The following ZEB2 variants were observed in gnomAD, a reference collection of about 807,000 sequenced individuals.
ZEB2 encodes the protein zinc finger E-box binding homeobox 2, also known as zinc finger E-box-binding homeobox 2.
Under a neutral mutation model 99.9 loss-of-function variants are expected in ZEB2, and 6 were observed. The observed-to-expected ratio is 0.06, with a 90% CI of 0.03 to 0.12. The LOEUF is 0.12. ZEB2 is among the 10% of genes least tolerant of loss of function. The pLI is 1.00. For synonymous variants in ZEB2, 517 were observed against 542.5 expected (o/e 0.95, Z 0.65); for missense variants, 969 against 1,502.8 (o/e 0.64, Z 5.87).
At chr2:144,410,531 C>G (rs1480068947) in intron 4 of ZEB2, among the ~76,000 whole-genome samples, 1 of 152,110 alleles carries the variant, frequency 6.6e-6, no homozygotes, top group South Asian at 2.1e-4. Flanking sequence ...AATTAGTCAG[C>G]CCCCATAATC....
intron 2 of ZEB2, among the ~76,000 whole-genome samples, chr2:144,510,722 C>CTT: frequency 6.6e-6 from 1 of 151,900 alleles, no homozygotes; most frequent in South Asian, 2.1e-4. Flanking sequence ...CTCTCTTTCT[C>CTT]TCTCTCTTTC....
At position 144,398,646 on chromosome 2, in the gene ZEB2, G is replaced by T. The variant is rs759097498; in HGVS notation, c.2541C>A (p.Asn847Lys). 6.2e-7 allele frequency: 1 copy of T among 1,614,080 alleles called. No individual in the cohort carries two copies. The highest frequency in any genetic ancestry group is 1.3e-5 in the African/African-American group (1 of 75,000). Reference protein sequence around the residue: ...TKASSISLDHNSVSSSSENSD... With the variant: ...TKASSISLDHKSVSSSSENSD... Reference sequence around the variant, plus strand: ...AGTTTTCAGATGAGGAAGAAACACTGTTATGATCTAAACTGATGCTACTAG... The same window carrying T: ...AGTTTTCAGATGAGGAAGAAACACTTTTATGATCTAAACTGATGCTACTAG... The change falls in exon 8 of 10, where the codon AAC becomes AAA. Residue 847 changes from asparagine to lysine, a missense_variant. Physicochemically the swap from Asn to Lys is moderately conservative, Grantham distance 94. Coordinates refer to ENST00000627532, the MANE Select transcript of ZEB2 (RefSeq NM_014795.4).
At chr2:144,402,293 A>G (rs931585802) in intron 6 of ZEB2, among the ~76,000 whole-genome samples, 1 of 152,172 alleles carries the variant, frequency 6.6e-6, no homozygotes. Context: ...TTTTGCAAAA[A>G]GACAGCACAG....
At chr2:144,473,694 G>C (rs1704390513) in intron 2 of ZEB2, among the ~76,000 whole-genome samples, 1 of 152,160 alleles carries the variant, frequency 6.6e-6, no homozygotes, top group African/African-American at 2.4e-5. Context: ...AGAAGCAGAG[G>C]TGTAGGGTTG....
At position 144,451,100 on chromosome 2, in the gene ZEB2, C is replaced by T. The variant is rs184632181; in HGVS notation, c.74-21074G>A. 2.1e-3 allele frequency among the ~76,000 whole-genome samples: 326 copies of T among 152,164 alleles called. 5 individuals carry two copies. Among genetic ancestry groups the T allele is most frequent in the South Asian group, 0.012 (57 of 4,816 alleles). On this transcript the variant is annotated intron_variant, in intron 2 of 9. Coordinates refer to ENST00000627532, the MANE Select transcript of ZEB2 (RefSeq NM_014795.4). ...AAAAAAGGAAGAGATTGGGAAAATA[C>T]GGAGGGATAGAATATGTAAAAGAAA...
chr2:144,392,127 G>T (rs1042206564), intron 9 of ZEB2, among the ~76,000 whole-genome samples: 7 of 152,210 alleles, frequency 4.6e-5, no homozygotes, highest in African/African-American at 1.4e-4. Flanking sequence ...TGAATAGAGA[G>T]AAGAGAAATT....
At chr2:144,423,232 T>C (rs1308395875) in intron 4 of ZEB2, among the ~76,000 whole-genome samples, 4 of 152,218 alleles carry the variant, frequency 2.6e-5, no homozygotes, top group Admixed American at 2.6e-4. Flanking sequence ...GGGTAAATTT[T>C]CTTTTGTGAC....
intron 4 of ZEB2, among the ~76,000 whole-genome samples, chr2:144,411,274 T>C (rs998010859): frequency 7.2e-5 from 11 of 151,836 alleles, no homozygotes; most frequent in African/African-American, 2.7e-4. Flanking sequence ...TAGGTAACTG[T>C]ATTTATCATC....
chr2:144,445,005 G>A (rs950950812), intron 2 of ZEB2: 2 of 152,106 alleles, frequency 1.3e-5, no homozygotes, highest in African/African-American at 4.8e-5. Flanking sequence ...AAAATCTCAG[G>A]CAAGACCAGC....
chr2:144,459,593 C>T (rs1337199381), intron 2 of ZEB2, among the ~76,000 whole-genome samples: 1 of 152,134 alleles, frequency 6.6e-6, no homozygotes, highest in Non-Finnish European at 1.5e-5. Context: ...GTCTTATCAA[C>T]ATACTAAAAA....
At chr2:144,436,191 G>A (rs1180566825) in intron 2 of ZEB2, among the ~76,000 whole-genome samples, 2 of 152,174 alleles carry the variant, frequency 1.3e-5, no homozygotes, top group South Asian at 2.1e-4. Context: ...ATTAATGCCA[G>A]TTAGAAGGGA....
chr2:144,410,412 T>C (rs751683745), intron 4 of ZEB2, among the ~76,000 whole-genome samples: 4 of 152,178 alleles, frequency 2.6e-5, no homozygotes, highest in Non-Finnish European at 5.9e-5. Context: ...ATAATTGATT[T>C]TTCAGACAGA....
intron 2 of ZEB2, among the ~76,000 whole-genome samples, chr2:144,490,449 C>T (rs1430909721): frequency 6.6e-6 from 1 of 152,092 alleles, no homozygotes; most frequent in Admixed American, 6.5e-5. Context: ...GAATGACTAC[C>T]AACAGAAATC....
At chr2:144,396,619 C>T (rs1377403376) in intron 8 of ZEB2, 27 bp from the exon 9 acceptor site, 1 of 1,608,438 alleles carries the variant, frequency 6.2e-7, no homozygotes, top group East Asian at 2.2e-5. Context: ...CAGTTCAATA[C>T]AGTGGCTTCT....
At chr2:144,401,105 C>T in intron 7 of ZEB2, 94 bp downstream of exon 7, 2 of 1,168,100 alleles carry the variant, frequency 1.7e-6, no homozygotes, top group South Asian at 1.2e-5. Flanking sequence ...TTCCAAAAAG[C>T]TACAAATAGG....
intron 2 of ZEB2, among the ~76,000 whole-genome samples, chr2:144,482,495 G>A (rs969336474): frequency 2.0e-5 from 3 of 152,192 alleles, no homozygotes; most frequent in African/African-American, 7.2e-5. Flanking sequence ...GTCATGGGGT[G>A]TTGTGATGAA....
At chr2:144,441,627 G>A (rs1049435172) in intron 2 of ZEB2, among the ~76,000 whole-genome samples, 5 of 149,600 alleles carry the variant, frequency 3.3e-5, no homozygotes, top group African/African-American at 1.2e-4. Context: ...CTCTTTTACT[G>A]TAAACAAATG....
chr2:144,422,849 A>G (rs1386985055), intron 4 of ZEB2, among the ~76,000 whole-genome samples: 1 of 152,106 alleles, frequency 6.6e-6, no homozygotes, highest in Admixed American at 6.5e-5. Context: ...CTAAATAATT[A>G]TGGCTCCTAC....
intron 2 of ZEB2, among the ~76,000 whole-genome samples, chr2:144,453,631 C>T (rs533876864): frequency 6.6e-6 from 1 of 152,206 alleles, no homozygotes; most frequent in South Asian, 2.1e-4. Flanking sequence ...TGTCTGAGTG[C>T]ACTTAGGTGA....
Sources: gnomAD v4.1 joint callset for allele counts (sites outside exome capture counted in the v4.1 genomes callset) on GRCh38, gnomAD v4.1.1 for gene constraint, MANE v1.5 for transcripts, NCBI Gene and HGNC (gene_info 2026-07-23, HGNC 2026-07-21) for gene names.